Variants in CAMK4 observed in about 807,000 individuals in gnomAD.
CAMK4 encodes the protein calcium/calmodulin dependent protein kinase IV, also known as calcium/calmodulin-dependent protein kinase type IV.
CAMK4 carries 22 observed loss-of-function variants against 44.9 expected under a neutral mutation model. The ratio of observed to expected loss-of-function variants is 0.49; its 90% CI spans 0.35 to 0.70. CAMK4 has a LOEUF of 0.70. Ranked by LOEUF, CAMK4 falls within the 30% of genes least tolerant of loss-of-function variation. The probability of loss-of-function intolerance (pLI) is 0.01; values close to 1 mark genes in which losing one functional copy is unlikely to be tolerated. For missense variants in CAMK4, 498 were observed against 586.8 expected (o/e 0.85, Z 1.56); for synonymous variants, 218 against 215.4 (o/e 1.01, Z -0.11).
At chr5:111,465,745 A>G (rs1451980574) in intron 7 of CAMK4, among the ~76,000 whole-genome samples, 1 of 152,212 alleles carries the variant, frequency 6.6e-6, no homozygotes, top group Non-Finnish European at 1.5e-5. Flanking sequence ...CCAAGACCAG[A>G]TGGATTCACA....
At chr5:111,376,837 C>CT (rs764413102) in intron 3 of CAMK4, 23 bp from the exon 4 acceptor site, 62 of 1,399,094 alleles carry the variant, frequency 4.4e-5, no homozygotes, top group Admixed American at 1.1e-4. Flanking sequence ...TTGTGATATT[C>CT]TTTTTTTTAT....
At chr5:111,449,394 G>A in intron 7 of CAMK4, among the ~76,000 whole-genome samples, 191 bp downstream of exon 7, 1 of 152,194 alleles carries the variant, frequency 6.6e-6, no homozygotes, top group East Asian at 1.9e-4. Flanking sequence ...GTTCAAGGAT[G>A]TTGGTTTTAG....
rs536569706 is a variant in CAMK4 at position 111,354,788 on chromosome 5, G to C, written c.240+10686G>C. Among the ~76,000 whole-genome samples, 21 of 151,852 alleles carry C rather than the reference G, an allele frequency of 1.4e-4. No homozygotes were observed. The South Asian group carries it at 2.7e-3, about 20-fold the overall frequency. On this transcript the variant is annotated intron_variant, in intron 2 of 10. Coordinates refer to ENST00000282356, the MANE Select transcript of CAMK4 (RefSeq NM_001744.6). ...TATGTAGCCTCTCACACCTTAGTGA[G>C]TAGGAACCACCAACCTCTCCAGGGA...
At chr5:111,256,867 C>T (rs1749765892) in intron 1 of CAMK4, among the ~76,000 whole-genome samples, 1 of 152,082 alleles carries the variant, frequency 6.6e-6, no homozygotes, top group African/African-American at 2.4e-5. Context: ...GAAAGTTTAC[C>T]ACTTTGGACA....
At chr5:111,377,241 CTAAAT>C (rs916502628) in intron 4 of CAMK4, among the ~76,000 whole-genome samples, 14 of 150,322 alleles carry the variant, frequency 9.3e-5, no homozygotes, top group African/African-American at 3.5e-4. Context: ...TAAATCTAAA[CTAAAT>C]AGTAAGATTT....
At chr5:111,320,365 T>C (rs1006712508) in intron 1 of CAMK4, among the ~76,000 whole-genome samples, 1 of 152,140 alleles carries the variant, frequency 6.6e-6, no homozygotes, top group East Asian at 1.9e-4. Context: ...GGCATAAGGC[T>C]AGAGACCTGG....
intron 2 of CAMK4, among the ~76,000 whole-genome samples, chr5:111,371,725 A>T (rs1751012334): frequency 6.6e-6 from 1 of 152,156 alleles, no homozygotes; most frequent in African/African-American, 2.4e-5. Flanking sequence ...AGAAGTTTTG[A>T]CAATATGATG....
At chr5:111,398,216 A>G (rs1200384469) in intron 5 of CAMK4, among the ~76,000 whole-genome samples, 1 of 152,248 alleles carries the variant, frequency 6.6e-6, no homozygotes. Flanking sequence ...AATCTGACTC[A>G]AAATGAACAC....
chr5:111,479,079 A>G lies in CAMK4; in HGVS notation c.828+572A>G, dbSNP rs141447386. ...TTTTTTGGAAATATGGGGTCTTGCTATGTTGCCCAGGCTGGTCTCAAACTC... is the reference window on the plus strand; with the variant it reads ...TTTTTTGGAAATATGGGGTCTTGCTGTGTTGCCCAGGCTGGTCTCAAACTC... On this transcript the variant is annotated intron_variant, in intron 9 of 10. Coordinates refer to ENST00000282356, the MANE Select transcript of CAMK4 (RefSeq NM_001744.6). 9.9e-5 allele frequency among the ~76,000 whole-genome samples: 15 copies of G among 152,196 alleles called. No individual in the cohort carries two copies. The East Asian group carries it at 2.3e-3, about 24-fold the overall frequency.
chr5:111,254,841 T>C (rs1266266403), intron 1 of CAMK4, among the ~76,000 whole-genome samples: 1 of 152,174 alleles, frequency 6.6e-6, no homozygotes, highest in African/African-American at 2.4e-5. Flanking sequence ...AAAAGGGTAC[T>C]GCAGTCAGGT....
chr5:111,455,329 A>G (rs1283075236), intron 7 of CAMK4, among the ~76,000 whole-genome samples: 1 of 152,210 alleles, frequency 6.6e-6, no homozygotes, highest in Non-Finnish European at 1.5e-5. Flanking sequence ...TATATTTCAT[A>G]TATACTATGA....
At chr5:111,356,181 T>G (rs1423917609) in intron 2 of CAMK4, among the ~76,000 whole-genome samples, 6 of 148,044 alleles carry the variant, frequency 4.1e-5, no homozygotes, top group South Asian at 4.5e-4. Flanking sequence ...CCTGACTTTT[T>G]AATGATTGCC....
chr5:111,436,609 G>A (rs1412481695), intron 5 of CAMK4, among the ~76,000 whole-genome samples: 1 of 152,120 alleles, frequency 6.6e-6, no homozygotes, highest in Non-Finnish European at 1.5e-5. Flanking sequence ...AGCAACCTTG[G>A]CCATCTTCAT....
intron 5 of CAMK4, among the ~76,000 whole-genome samples, chr5:111,404,495 G>A (rs771018941): frequency 2.6e-5 from 4 of 152,192 alleles, no homozygotes; most frequent in Non-Finnish European, 5.9e-5. Context: ...TGCTTGTTTA[G>A]CTGCTAGAGA....
chr5:111,286,562 G>A lies in CAMK4; in HGVS notation c.162-57462G>A, dbSNP rs377196483. 2.0e-5 allele frequency among the ~76,000 whole-genome samples: 3 copies of A among 152,146 alleles called. No homozygotes were observed. In the East Asian group the frequency reaches 5.8e-4, roughly 29 times the overall value. On this transcript the variant is annotated intron_variant, in intron 1 of 10. Transcript: ENST00000282356. Reference sequence around the variant, plus strand: ...TCAAGATGTTTGTCCAAGATAACATGTCTGTGTAAGTCTCAAGGGCAGGAC... The same window carrying A: ...TCAAGATGTTTGTCCAAGATAACATATCTGTGTAAGTCTCAAGGGCAGGAC...
At chr5:111,462,899 T>A (rs917459814) in intron 7 of CAMK4, among the ~76,000 whole-genome samples, 1 of 152,248 alleles carries the variant, frequency 6.6e-6, no homozygotes, top group African/African-American at 2.4e-5. Flanking sequence ...GGTGCCATCA[T>A]CTTATTTTTA....
In CAMK4 at chr5:111,446,747, C is replaced by A. The variant is rs758919973; in HGVS notation, c.521C>A (p.Thr174Asn). The A allele has an allele frequency of 3.1e-6, 5 of 1,609,138 alleles. No homozygotes were observed. The South Asian group carries it at 5.5e-5, about 18-fold the overall frequency. Residue 174 changes from threonine to asparagine, a missense_variant, in exon 6 of 11, where the codon ACT (threonine) becomes AAT (asparagine). Around this residue, in one of 3 missense-constraint regions of CAMK4, gnomAD observed 203 missense variants for 298.2 expected, o/e 0.68. Coordinates refer to ENST00000282356, the MANE Select transcript of CAMK4 (RefSeq NM_001744.6). The part of the protein sequence containing the change: ...DLKPENLLYA[T>N]PAPDAPLKIA... ...AAACCAGAGAATCTTCTTTATGCAA[C>A]TCCAGCCCCAGATGCACCACTCAAA... is the stretch of plus-strand genomic sequence containing the variant.
chr5:111,481,129 A>G (rs1246722642), intron 9 of CAMK4, among the ~76,000 whole-genome samples: 1 of 152,198 alleles, frequency 6.6e-6, no homozygotes, highest in African/African-American at 2.4e-5. Flanking sequence ...TTCAAATGTA[A>G]AGATTAACAA....
At chr5:111,248,737 G>T (rs1264691864) in intron 1 of CAMK4, among the ~76,000 whole-genome samples, 1 of 152,068 alleles carries the variant, frequency 6.6e-6, no homozygotes, top group East Asian at 1.9e-4. Flanking sequence ...CAGAGATGAG[G>T]TTTGCTCTTC....
Sources: gnomAD v4.1 joint callset for allele counts (sites outside exome capture counted in the v4.1 genomes callset) on GRCh38, gnomAD v4.1.1 for gene constraint, gnomAD v4.1.1 regional missense constraint, MANE v1.5 for transcripts, NCBI Gene and HGNC (gene_info 2026-07-23, HGNC 2026-07-21) for gene names.